Variants in XKR6 observed in about 807,000 individuals in gnomAD.
The protein encoded by XKR6 is XK related 6.
A neutral mutation model predicts 56.7 loss-of-function variants in XKR6; 22 were observed. The observed-to-expected ratio is 0.39, with a 90% CI of 0.28 to 0.55. The LOEUF (loss-of-function observed/expected upper bound fraction) is 0.55, where lower values mean the gene tolerates loss of function less well. Ranked by LOEUF, XKR6 falls within the 20% of genes least tolerant of loss-of-function variation. The probability of loss-of-function intolerance (pLI) is 0.66; values close to 1 mark genes in which losing one functional copy is unlikely to be tolerated. For missense variants in XKR6, 852 were observed against 889.0 expected, an observed-to-expected ratio of 0.96 and a Z score of 0.53; for synonymous variants, 524 against 387.8, an observed-to-expected ratio of 1.35 and a Z score of -4.13.
chr8:10,983,849 G>T (rs1203464472), intron 1 of XKR6, among the ~76,000 whole-genome samples: 1 of 151,936 alleles, frequency 6.6e-6, no homozygotes, highest in African/African-American at 2.4e-5. Context: ...TTGAGTTGGG[G>T]TTTCACCGTG....
At chr8:10,921,153 T>C (rs972709077) in intron 2 of XKR6, among the ~76,000 whole-genome samples, 1 of 152,236 alleles carries the variant, frequency 6.6e-6, no homozygotes, top group Non-Finnish European at 1.5e-5. Flanking sequence ...GGAAGCAACA[T>C]CCATTGCCCC....
intron 1 of XKR6, among the ~76,000 whole-genome samples, chr8:11,147,845 T>A (rs547879973): frequency 3.9e-5 from 6 of 152,012 alleles, no homozygotes; most frequent in African/African-American, 1.2e-4. Context: ...CTAAAATTCA[T>A]AGGAAGGCCT....
intron 1 of XKR6, among the ~76,000 whole-genome samples, chr8:11,077,666 C>T (rs1167931483): frequency 2.0e-5 from 3 of 152,214 alleles, no homozygotes; most frequent in Admixed American, 1.3e-4. Context: ...GAGCCTGTGG[C>T]TGTTTCCCCG....
At chr8:10,992,496 A>G (rs1798016848) in intron 1 of XKR6, among the ~76,000 whole-genome samples, 1 of 152,202 alleles carries the variant, frequency 6.6e-6, no homozygotes, top group African/African-American at 2.4e-5. Flanking sequence ...CAAGGTCTCT[A>G]TTCCTTCAGA....
chr8:11,002,896 C>T (rs77297719), intron 1 of XKR6, among the ~76,000 whole-genome samples: 5,119 of 152,192 alleles, frequency 0.034, 287 homozygotes, highest in African/African-American at 0.12. Context: ...CAGAGCAAGG[C>T]ACTTCTGAAT....
chr8:10,928,138 T>C (rs1026680096), intron 1 of XKR6, among the ~76,000 whole-genome samples: 4 of 152,178 alleles, frequency 2.6e-5, no homozygotes, highest in Non-Finnish European at 5.9e-5. Context: ...CCCCACTTTA[T>C]AGTGGAGGGC....
intron 1 of XKR6, among the ~76,000 whole-genome samples, chr8:11,174,604 T>C (rs774128708): frequency 3.3e-5 from 5 of 152,218 alleles, no homozygotes; most frequent in African/African-American, 4.8e-5. Flanking sequence ...TTAGACATTC[T>C]GTTCTTTCCT....
intron 1 of XKR6, chr8:11,123,803 C>A (rs1182658314): frequency 2.2e-6 from 1 of 454,970 alleles, no homozygotes; most frequent in African/African-American, 2.0e-5. Flanking sequence ...CAGTGTAATG[C>A]CAGACACTAT....
At chr8:10,926,906 G>A (rs188879900) in intron 1 of XKR6, among the ~76,000 whole-genome samples, 1 of 152,300 alleles carries the variant, frequency 6.6e-6, no homozygotes, top group African/African-American at 2.4e-5. Flanking sequence ...CACTAAGAGA[G>A]GGGGAGGGAG....
intron 1 of XKR6, among the ~76,000 whole-genome samples, chr8:11,009,094 G>A (rs1388944223): frequency 7.3e-6 from 1 of 136,988 alleles, no homozygotes; most frequent in Non-Finnish European, 1.6e-5. Flanking sequence ...TGTGGGGAGG[G>A]GGGTGGGAGG....
At chr8:11,160,203 A>AAAAAAAGT (rs35099448) in intron 1 of XKR6, among the ~76,000 whole-genome samples, 14,555 of 152,166 alleles carry the variant, frequency 0.096, 846 homozygotes, top group African/African-American at 0.16. Flanking sequence ...TCAGAAACAA[A>AAAAAAAGT]AAAAAAGTAA....
chr8:10,949,488 C>G (rs912131006), intron 1 of XKR6, among the ~76,000 whole-genome samples: 4 of 152,156 alleles, frequency 2.6e-5, no homozygotes, highest in African/African-American at 4.8e-5. Flanking sequence ...TGAGCTCTCG[C>G]TCTGTAGCCA....
chr8:11,100,098 G>T (rs571623093), intron 1 of XKR6, among the ~76,000 whole-genome samples: 2 of 152,086 alleles, frequency 1.3e-5, no homozygotes, highest in African/African-American at 2.4e-5. Flanking sequence ...GTCGCCCAGG[G>T]TGGAGTGCAG....
chr8:10,942,643 T>C (rs914556424), intron 1 of XKR6, among the ~76,000 whole-genome samples: 3 of 152,164 alleles, frequency 2.0e-5, no homozygotes, highest in African/African-American at 7.2e-5. Flanking sequence ...TGTGAGCAGA[T>C]CCAGGTGTTC....
At chr8:11,020,535 G>A (rs1018029309) in intron 1 of XKR6, among the ~76,000 whole-genome samples, 4 of 152,154 alleles carry the variant, frequency 2.6e-5, no homozygotes, top group African/African-American at 9.7e-5. Flanking sequence ...TTGCAGCCTG[G>A]GAAGTATCAC....
chr8:11,076,304 G>C (rs1238568516), intron 1 of XKR6, among the ~76,000 whole-genome samples: 4 of 152,132 alleles, frequency 2.6e-5, no homozygotes, highest in African/African-American at 7.2e-5. Flanking sequence ...GGTGGTGATG[G>C]TTGCACAACA....
chr8:10,982,473 G>A (rs950724011), intron 1 of XKR6, among the ~76,000 whole-genome samples: 4 of 152,158 alleles, frequency 2.6e-5, no homozygotes, highest in South Asian at 4.1e-4. Flanking sequence ...TCCAACATGA[G>A]TGCTTCTCTA....
At chr8:11,050,650 G>C (rs1799524146) in intron 1 of XKR6, among the ~76,000 whole-genome samples, 1 of 151,688 alleles carries the variant, frequency 6.6e-6, no homozygotes, top group African/African-American at 2.4e-5. Flanking sequence ...GAAACTACTG[G>C]GCAGGAAAAG....
At chr8:11,160,284 T>G (rs949936847) in intron 1 of XKR6, among the ~76,000 whole-genome samples, 2 of 152,178 alleles carry the variant, frequency 1.3e-5, no homozygotes, top group African/African-American at 4.8e-5. Flanking sequence ...ACAATTTATT[T>G]TTTTAAAAGG....
Sources: allele counts gnomAD v4.1 joint callset (sites outside exome capture counted in the v4.1 genomes callset), GRCh38; gene constraint gnomAD v4.1.1; transcripts MANE v1.5; gene names NCBI Gene and HGNC (gene_info 2026-07-23, HGNC 2026-07-21).